Variants in KAT8 observed in about 807,000 individuals in gnomAD.
KAT8 encodes the protein histone acetyltransferase KAT8.
Under a neutral mutation model 62.9 loss-of-function variants are expected in KAT8, and 40 were observed. That is an observed-to-expected ratio of 0.64 (90% CI 0.49 to 0.83). The LOEUF (loss-of-function observed/expected upper bound fraction) is 0.83, where lower values mean the gene tolerates loss of function less well. KAT8 is among the 40% of genes least tolerant of loss of function. The probability of loss-of-function intolerance (pLI) is 0.00; values close to 1 mark genes in which losing one functional copy is unlikely to be tolerated. For synonymous variants in KAT8, 278 were observed against 254.5 expected, an observed-to-expected ratio of 1.09 and a Z score of -0.88; for missense variants, 387 against 614.8, an observed-to-expected ratio of 0.63 and a Z score of 3.92.
Position 31,129,672 on chromosome 16 carries a change from A to T in KAT8, c.772-345A>T, listed in dbSNP as rs1388604793. On this transcript the variant is annotated intron_variant, in intron 6 of 10. Transcript: ENST00000219797. ...AGGCGCTGGGGACACAGCCATGAAC[A>T]GGACGGTCTAAATTCCTGCCTCGGA... 2.6e-5 allele frequency among the ~76,000 whole-genome samples: 4 copies of T among 152,224 alleles called. No homozygotes were observed. The East Asian group carries it at 7.7e-4, about 29-fold the overall frequency.
chr16:31,128,256 G>A, intron 6 of KAT8, 117 bp downstream of exon 6: 2 of 772,152 alleles, frequency 2.6e-6, no homozygotes, highest in Non-Finnish European at 4.4e-6. Context: ...TGGGCAGAAT[G>A]CCTCTGAGGG....
At position 31,130,275 on chromosome 16, in the gene KAT8, G is replaced by C; in HGVS notation, c.921G>C (p.Glu307Asp). 1 of 1,614,174 alleles carries C rather than the reference G, an allele frequency of 6.2e-7. No homozygotes were observed. Among genetic ancestry groups the C allele is most frequent in the Non-Finnish European group, 8.5e-7 (1 of 1,180,036 alleles). ...GCACCTGCCTCCTGCAGGAGAAGGA[G>C]TCCCCGGATGGAAACAATGTGGCCT... ...HIVGYFSKEK[E>D]SPDGNNVACI... The change falls in exon 8 of 11, where the codon GAG (glutamate) becomes GAC (aspartate). Residue 307 changes from glutamate to aspartate, a missense_variant. Transcript: ENST00000219797.
intron 1 of KAT8, 181 bp downstream of exon 1, chr16:31,118,073 A>G (rs1170601440): frequency 2.8e-5 from 13 of 456,542 alleles, no homozygotes; most frequent in Non-Finnish European, 7.4e-6. Context: ...GGGTTGTGGG[A>G]GGCTGTTGAC....
Position 31,130,735 on chromosome 16 carries a change from C to T in KAT8, c.1158-11C>T, listed in dbSNP as rs138969624. 4.3e-4 allele frequency: 700 copies of T among 1,613,954 alleles called. 1 individual carries two copies. In the African/African-American group the frequency reaches 8.4e-3, roughly 19 times the overall value. On this transcript the variant is annotated splice_polypyrimidine_tract_variant and intron_variant, in intron 9 of 10. Coordinates refer to ENST00000219797, the MANE Select transcript of KAT8 (RefSeq NM_032188.3). ...ACCAGGTCTGGCATTTGCTCTCATC[C>T]CTTTTTGCAGCCAGATGACCAGTAT...
rs758052947 is a variant in KAT8 at position 31,131,203 on chromosome 16, G to A, written c.1321G>A (p.Val441Ile). The change falls in exon 11 of 11, where the codon GTC (valine) becomes ATC (isoleucine). Residue 441 changes from valine (V) to isoleucine (I), a missense_variant. By Grantham distance (29) the Val-to-Ile change is conservative. Around this residue, in one of 6 missense-constraint regions of KAT8, gnomAD observed 75 missense variants for 105.7 expected, o/e 0.71. Coordinates refer to ENST00000219797, the MANE Select transcript of KAT8 (RefSeq NM_032188.3). ...GCCCCTTCTCCCCACAGTGGACTCC[G>A]TCTGCCTCAAGTGGGCACCCCCCAA... ...YKKPPITVDS[V>I]CLKWAPPKHK... is the part of the protein sequence containing the mutation. 3.7e-6 allele frequency: 6 copies of A among 1,613,912 alleles called. No individual in the cohort carries two copies. The highest frequency in any genetic ancestry group is 2.2e-5 in the East Asian group (1 of 44,890).
chr16:31,130,377 C>T lies in KAT8; in HGVS notation c.1006+17C>T, dbSNP rs745897733. 2.5e-6 allele frequency: 4 copies of T among 1,614,046 alleles called. No individual in the cohort carries two copies. Among genetic ancestry groups the T allele is most frequent in the Non-Finnish European group, 3.4e-6 (4 of 1,180,016 alleles). On this transcript the variant is annotated intron_variant, in intron 8 of 10. Coordinates refer to ENST00000219797, the MANE Select transcript of KAT8 (RefSeq NM_032188.3). The stretch of plus-strand genomic sequence containing the variant: ...TCGCTTTCAGTGAGTGGTTCCTGGC[C>T]TGTCTGGGAGGGGGAGACCTGTGGG...
chr16:31,123,633 A>T (rs1467078627), intron 3 of KAT8: 1 of 152,234 alleles, frequency 6.6e-6, no homozygotes, highest in East Asian at 1.9e-4. Flanking sequence ...CAGCCTCCCA[A>T]GTATCTGAGA....
At chr16:31,126,603 C>T (rs1405186349) in intron 3 of KAT8, 3 of 186,908 alleles carry the variant, frequency 1.6e-5, no homozygotes, top group Admixed American at 5.5e-5. Context: ...CTGGGGCAGT[C>T]GCATGGGCAG....
At chr16:31,130,209 C>T in intron 7 of KAT8, 52 bp downstream of exon 7, 1 of 1,612,524 alleles carries the variant, frequency 6.2e-7, no homozygotes, top group Non-Finnish European at 8.5e-7. Flanking sequence ...CGAAGGTGGG[C>T]ATGAACAGAG....
intron 1 of KAT8, among the ~76,000 whole-genome samples, chr16:31,119,400 G>C (rs2057476327): frequency 1.3e-5 from 2 of 152,008 alleles, no homozygotes; most frequent in Admixed American, 6.6e-5. Flanking sequence ...CACCCACCTC[G>C]GCCTCCCAAA....
At chr16:31,128,230 C>T in intron 6 of KAT8, 91 bp downstream of exon 6, 1 of 981,630 alleles carries the variant, frequency 1.0e-6, no homozygotes, top group South Asian at 1.4e-5. Flanking sequence ...AGGGGGCAGC[C>T]TTAGCTGAGC....
rs1162316050 is a variant in KAT8 at position 31,130,884 on chromosome 16, G to C, written c.1296G>C (p.Lys432Asn). The change falls in exon 10 of 11, where the codon AAG becomes AAC. Residue 432 changes from lysine (K) to asparagine (N), a missense_variant. Lys to Asn is a moderately conservative substitution (Grantham distance 94). This residue lies in a region of KAT8 where 75 missense variants were observed against 105.7 expected (regional missense o/e 0.71). Coordinates refer to ENST00000219797, the MANE Select transcript of KAT8 (RefSeq NM_032188.3). ...VEEHLKSAQY[K>N]KPPITVDSVC... ...AGCACCTCAAAAGTGCCCAGTATAA[G>C]AAACCACCCATCACAGGTGGGTGGG... 6.2e-7 allele frequency: 1 copy of C among 1,601,654 alleles called. No homozygotes were observed. The highest frequency in any genetic ancestry group is 8.5e-7 in the Non-Finnish European group (1 of 1,175,036).
chr16:31,125,008 C>G (rs781086334), intron 3 of KAT8, among the ~76,000 whole-genome samples: 1 of 152,032 alleles, frequency 6.6e-6, no homozygotes, highest in Non-Finnish European at 1.5e-5. Context: ...GCCTGGGCAA[C>G]AAGAGCAAAA....
At chr16:31,118,195 G>T in intron 1 of KAT8, 2 of 314,858 alleles carry the variant, frequency 6.4e-6, no homozygotes, top group Non-Finnish European at 1.2e-5. Context: ...TCTTGCTAAC[G>T]CTGCTTCCTC....
rs765087087 is a variant in KAT8 at position 31,131,289 on chromosome 16, C to T, written c.*30C>T. 1.9e-6 allele frequency: 3 copies of T among 1,613,172 alleles called. No individual in the cohort carries two copies. The highest frequency in any genetic ancestry group is 2.5e-6 in the Non-Finnish European group (3 of 1,179,524). Reference sequence around the variant, plus strand: ...CCTGGCCCCTGCTGTCGGACCTGAGCCTCCTGGCTCCCAGCCTGTAAATAT... The same window carrying T: ...CCTGGCCCCTGCTGTCGGACCTGAGTCTCCTGGCTCCCAGCCTGTAAATAT... On this transcript the variant is annotated 3_prime_UTR_variant, in exon 11 of 11. Coordinates refer to ENST00000219797, the MANE Select transcript of KAT8 (RefSeq NM_032188.3).
At position 31,119,153 on chromosome 16, in the gene KAT8, T is replaced by G. The variant is rs184955003; in HGVS notation, c.212-1033T>G. Reference sequence around the variant, plus strand: ...GGGAGCTGGAATTTTGTGTATTTTTTTTTGTTTGTTTGTTTGAGATGGAAT... The same window carrying G: ...GGGAGCTGGAATTTTGTGTATTTTTGTTTGTTTGTTTGTTTGAGATGGAAT... On this transcript the variant is annotated intron_variant, in intron 1 of 10. Transcript: ENST00000219797. Among the ~76,000 whole-genome samples, 485 of 152,266 alleles carry G rather than the reference T, an allele frequency of 3.2e-3. 4 individuals carry two copies. Among genetic ancestry groups the G allele is most frequent in the Middle Eastern group, 6.8e-3 (2 of 294 alleles).
chr16:31,121,758 A>AT (rs1204902201), intron 3 of KAT8, among the ~76,000 whole-genome samples: 101 of 145,114 alleles, frequency 7.0e-4, no homozygotes, highest in Middle Eastern at 3.5e-3. Flanking sequence ...TATTATTGTT[A>AT]TTTTTTTTTT....
intron 1 of KAT8, 43 bp downstream of exon 1, chr16:31,117,935 G>T: frequency 1.8e-6 from 2 of 1,087,270 alleles, no homozygotes; most frequent in Non-Finnish European, 2.4e-6. Flanking sequence ...GGAGCTCAGG[G>T]CCAGGGGGTG....
chr16:31,127,068 T>C lies in KAT8; in HGVS notation c.496T>C (p.Leu166=), dbSNP rs768640959. ...YAEMDPTTAA[L]EKEHEAITKV... The stretch of plus-strand genomic sequence containing the variant: ...AGAGATGGACCCCACCACAGCAGCC[T>C]TGGAGAAGGAGCATGAGGCGGTAAG... The change falls in exon 4 of 11, where the codon TTG becomes CTG. Residue 166 remains leucine (L), a synonymous_variant. Coordinates refer to ENST00000219797, the MANE Select transcript of KAT8 (RefSeq NM_032188.3). 1.2e-6 allele frequency: 2 copies of C among 1,614,106 alleles called. No individual in the cohort carries two copies. The highest frequency in any genetic ancestry group is 3.3e-5 in the Admixed American group (2 of 60,016).
Sources: allele counts gnomAD v4.1 joint callset (sites outside exome capture counted in the v4.1 genomes callset), GRCh38; gene constraint gnomAD v4.1.1; regional missense constraint gnomAD v4.1.1; transcripts MANE v1.5; gene names NCBI Gene and HGNC (gene_info 2026-07-23, HGNC 2026-07-21).